Variants in RANBP2 observed in about 807,000 individuals in gnomAD.
The protein encoded by RANBP2 is RAN binding protein 2.
Under a neutral mutation model 303.6 loss-of-function variants are expected in RANBP2, and 57 were observed. The observed-to-expected ratio is 0.19, with a 90% CI of 0.15 to 0.23. RANBP2 has a LOEUF of 0.23. Among genes scored for constraint, RANBP2 ranks in the 10% least tolerant of loss-of-function variants. RANBP2 has a pLI of 1.00. For missense variants in RANBP2, 3,138 were observed against 3,780.8 expected (o/e 0.83, Z 4.46); for synonymous variants, 1,167 against 1,301.5 (o/e 0.90, Z 2.23).
the RANBP2 span, among the ~76,000 whole-genome samples, chr2:108,949,870 C>G: frequency 6.6e-6 from 1 of 152,186 alleles, no homozygotes; most frequent in African/African-American, 2.4e-5. Flanking sequence ...AAATAACCTC[C>G]GAGTAATATG....
In RANBP2 at chr2:108,755,048, T is replaced by C. The variant is rs747063999; in HGVS notation, c.2346T>C (p.Pro782=). 1 of 1,611,966 alleles carries C rather than the reference T, an allele frequency of 6.2e-7. No individual in the cohort carries two copies. Among genetic ancestry groups the C allele is most frequent in the Non-Finnish European group, 8.5e-7 (1 of 1,179,836 alleles). Residue 782 remains proline, a synonymous_variant, in exon 16 of 29, where the codon CCT becomes CCC. Transcript: ENST00000283195. ...DSEIKHSTPS[P]TRYSLSPSKS... is the part of the protein sequence containing the mutation. Reference sequence around the variant, plus strand: ...AAATAAAACATTCTACACCGTCTCCTACCAGATATTCACTATCACCAAGTA... The same window carrying C: ...AAATAAAACATTCTACACCGTCTCCCACCAGATATTCACTATCACCAAGTA...
chr2:109,327,834 G>A, the RANBP2 span, among the ~76,000 whole-genome samples: 1 of 152,172 alleles, frequency 6.6e-6, no homozygotes, highest in Non-Finnish European at 1.5e-5. Context: ...CAGTGTTCCT[G>A]TTTTCATGTT....
intron 23 of RANBP2, 102 bp from the exon 24 acceptor site, chr2:108,775,630 T>C: frequency 8.1e-7 from 1 of 1,237,962 alleles, no homozygotes; most frequent in Non-Finnish European, 1.2e-6. Flanking sequence ...TTCTATCTTC[T>C]CCAGAAGCCC....
the RANBP2 span, among the ~76,000 whole-genome samples, chr2:109,513,513 A>G: frequency 6.6e-6 from 1 of 151,614 alleles, no homozygotes. Flanking sequence ...ATGTACACAC[A>G]CCATACCCAC....
At chr2:109,166,772 C>T in the RANBP2 span, among the ~76,000 whole-genome samples, 2 of 152,226 alleles carry the variant, frequency 1.3e-5, no homozygotes, top group Non-Finnish European at 2.9e-5. Flanking sequence ...CATCTAGCTT[C>T]AGTTTTCAAC....
At chr2:108,771,293 C>T (rs575714163) in intron 20 of RANBP2, among the ~76,000 whole-genome samples, 4 of 151,594 alleles carry the variant, frequency 2.6e-5, no homozygotes, top group African/African-American at 9.7e-5. Flanking sequence ...TATAGTAATA[C>T]TTGCCTATGT....
the RANBP2 span, among the ~76,000 whole-genome samples, chr2:109,576,602 T>C: frequency 6.6e-6 from 1 of 152,110 alleles, no homozygotes; most frequent in African/African-American, 2.4e-5. Flanking sequence ...AAGTATATAT[T>C]TCACATAAAA....
In RANBP2 at chr2:108,784,810, A is replaced by G. The variant is rs765934586; in HGVS notation, c.*909A>G. 1.3e-4 allele frequency: 19 copies of G among 149,316 alleles called. No homozygotes were observed. The highest frequency in any genetic ancestry group is 2.4e-4 in the Non-Finnish European group (16 of 67,864). The allele number at this position is 149,316 out of a possible 1,614,324, so 9.2% of individuals were successfully genotyped here. Reference sequence around the variant, plus strand: ...CCTAAGAGCCACTGACATCCAAAAAATTCATTACTTACGCTTCGGGTTCAT... The same window carrying G: ...CCTAAGAGCCACTGACATCCAAAAAGTTCATTACTTACGCTTCGGGTTCAT... On this transcript the variant is annotated 3_prime_UTR_variant, in exon 29 of 29. Transcript: ENST00000283195.
At chr2:109,613,352 G>T in the RANBP2 span, 1 of 359,422 alleles carries the variant, frequency 2.8e-6, no homozygotes, top group South Asian at 2.5e-5. Context: ...CGGATAAAAC[G>T]GGAGAGCTTT....
chr2:109,150,215 A>G, the RANBP2 span, among the ~76,000 whole-genome samples: 14 of 152,164 alleles, frequency 9.2e-5, no homozygotes, highest in African/African-American at 3.4e-4. Context: ...ATGGCCAGGT[A>G]AAGAGGGAGG....
At chr2:109,277,812 C>T in the RANBP2 span, among the ~76,000 whole-genome samples, 2 of 152,150 alleles carry the variant, frequency 1.3e-5, no homozygotes, top group East Asian at 1.9e-4. Context: ...GGCAGTCTTA[C>T]CTCTTAAAAG....
chr2:108,985,433 G>T, the RANBP2 span, among the ~76,000 whole-genome samples: 1 of 152,256 alleles, frequency 6.6e-6, no homozygotes, highest in Non-Finnish European at 1.5e-5. Flanking sequence ...GGTGCAGGCA[G>T]GGCTACCGCC....
chr2:109,516,479 T>G, the RANBP2 span, among the ~76,000 whole-genome samples: 1 of 152,188 alleles, frequency 6.6e-6, no homozygotes, highest in Admixed American at 6.5e-5. Context: ...ATGCGGACAC[T>G]CAGTCTCCCA....
the RANBP2 span, among the ~76,000 whole-genome samples, chr2:109,074,105 A>G: frequency 0.45 from 67,689 of 150,162 alleles, 17,347 homozygotes; most frequent in Non-Finnish European, 0.49. Context: ...GGTGGTTCAT[A>G]CCTGTAATCC....
the RANBP2 span, among the ~76,000 whole-genome samples, chr2:109,629,349 ATATATATTTTTT>A: frequency 1.5e-4 from 1 of 6,544 alleles, no homozygotes; most frequent in African/African-American, 5.1e-4. Context: ...ATATATATAT[ATATATATTTTTT>A]TTTTTTTTTT....
At chr2:109,670,423 C>T in the RANBP2 span, among the ~76,000 whole-genome samples, 23 of 146,630 alleles carry the variant, frequency 1.6e-4, no homozygotes, top group East Asian at 3.0e-3. Flanking sequence ...AGCAGCTCAT[C>T]GGGGAGTGGA....
intron 1 of RANBP2, among the ~76,000 whole-genome samples, chr2:108,720,690 T>C (rs1272157420): frequency 1.3e-5 from 2 of 152,232 alleles, no homozygotes; most frequent in African/African-American, 2.4e-5. Context: ...TTTAAACATT[T>C]AGGGTATTGC....
the RANBP2 span, chr2:109,574,708 A>C: frequency 6.2e-7 from 1 of 1,607,096 alleles, no homozygotes; most frequent in African/African-American, 1.3e-5. Context: ...CTTAATCTTC[A>C]GTTCTTCTTG....
At chr2:109,084,401 G>T in the RANBP2 span, among the ~76,000 whole-genome samples, 2 of 152,206 alleles carry the variant, frequency 1.3e-5, no homozygotes, top group African/African-American at 4.8e-5. Flanking sequence ...ACTGATAGCA[G>T]CTGTGACTCT....
Sources: allele counts gnomAD v4.1 joint callset (sites outside exome capture counted in the v4.1 genomes callset), GRCh38; gene constraint gnomAD v4.1.1; transcripts MANE v1.5; gene names NCBI Gene and HGNC (gene_info 2026-07-23, HGNC 2026-07-21).